Variants in SH3GL3 observed in about 807,000 individuals in gnomAD.
SH3GL3 encodes the protein SH3 domain containing GRB2 like 3, endophilin A3, also known as endophilin-A3.
SH3GL3 carries 33 observed loss-of-function variants against 47.7 expected under a neutral mutation model. The ratio of observed to expected loss-of-function variants is 0.69; its 90% CI spans 0.52 to 0.92. The LOEUF (loss-of-function observed/expected upper bound fraction) is 0.92, where lower values mean the gene tolerates loss of function less well. SH3GL3 is among the 40% of genes least tolerant of loss of function. The probability of loss-of-function intolerance (pLI) is 0.00; values close to 1 mark genes in which losing one functional copy is unlikely to be tolerated. For synonymous variants in SH3GL3, 155 were observed against 148.8 expected, an observed-to-expected ratio of 1.04 and a Z score of -0.30; for missense variants, 363 against 417.8, an observed-to-expected ratio of 0.87 and a Z score of 1.14.
intron 1 of SH3GL3, among the ~76,000 whole-genome samples, chr15:83,483,188 G>A (rs1307694111): frequency 1.3e-5 from 2 of 152,202 alleles, no homozygotes; most frequent in African/African-American, 4.8e-5. Flanking sequence ...GATATAGTCT[G>A]TTGTCAGCCC....
intron 1 of SH3GL3, among the ~76,000 whole-genome samples, chr15:83,553,238 G>A (rs749605380): frequency 1.3e-5 from 2 of 152,118 alleles, no homozygotes; most frequent in South Asian, 2.1e-4. Context: ...AAGACAGGTA[G>A]CTCTTGTCTG....
At chr15:83,628,224 TC>T in the SH3GL3 span, among the ~76,000 whole-genome samples, 1 of 152,104 alleles carries the variant, frequency 6.6e-6, no homozygotes, top group African/African-American at 2.4e-5. Context: ...AGAAAATCCC[TC>T]CTTATAGAAA....
At chr15:83,466,130 A>G (rs900812574) in intron 1 of SH3GL3, among the ~76,000 whole-genome samples, 1 of 152,166 alleles carries the variant, frequency 6.6e-6, no homozygotes, top group East Asian at 1.9e-4. Context: ...ATGGAATCAT[A>G]CAGTCTGTGA....
chr15:83,510,506 T>G (rs886870416), intron 1 of SH3GL3, among the ~76,000 whole-genome samples: 3 of 152,356 alleles, frequency 2.0e-5, no homozygotes, highest in Non-Finnish European at 4.4e-5. Flanking sequence ...AGACATTGCC[T>G]GTCAATGAAT....
chr15:83,576,550 A>C, intron 5 of SH3GL3, 33 bp from the exon 6 acceptor site: 1 of 1,554,716 alleles, frequency 6.4e-7, no homozygotes, highest in Non-Finnish European at 8.7e-7. Context: ...TGAATGTAGC[A>C]CCTCTCTGAG....
chr15:83,569,897 G>A lies in SH3GL3; in HGVS notation c.331+1225G>A, dbSNP rs1341064620. Among the ~76,000 whole-genome samples the A allele has an allele frequency of 5.9e-5, 9 of 152,244 alleles. No individual in the cohort carries two copies. In the East Asian group the frequency reaches 9.7e-4, roughly 16 times the overall value. On this transcript the variant is annotated intron_variant, in intron 4 of 8. Transcript: ENST00000427482. Reference sequence around the variant, plus strand: ...TCTCATGAGCTCTTTAAATGGTCAGGATATTTGCTCATTGGCTGTCTTGTA... The same window carrying A: ...TCTCATGAGCTCTTTAAATGGTCAGAATATTTGCTCATTGGCTGTCTTGTA...
At chr15:83,473,869 T>TA (rs1405194091) in intron 1 of SH3GL3, among the ~76,000 whole-genome samples, 7 of 150,822 alleles carry the variant, frequency 4.6e-5, no homozygotes, top group African/African-American at 1.2e-4. Flanking sequence ...TTTTTTTTTT[T>TA]ATGTCCATGC....
chr15:83,551,617 A>C (rs2044673303), intron 1 of SH3GL3, among the ~76,000 whole-genome samples: 1 of 152,172 alleles, frequency 6.6e-6, no homozygotes, highest in South Asian at 2.1e-4. Flanking sequence ...TCTGAAACTC[A>C]GATCTGTTCT....
chr15:83,457,888 G>A (rs1162352672), intron 1 of SH3GL3, among the ~76,000 whole-genome samples: 1 of 152,096 alleles, frequency 6.6e-6, no homozygotes, highest in Admixed American at 6.6e-5. Context: ...GTTCTATAAA[G>A]TAAATGTAAC....
chr15:83,537,674 T>C (rs926058643), intron 1 of SH3GL3, among the ~76,000 whole-genome samples: 7 of 152,228 alleles, frequency 4.6e-5, no homozygotes, highest in Non-Finnish European at 8.8e-5. Flanking sequence ...CTGTTCTTTT[T>C]ATTTTTACAT....
intron 8 of SH3GL3, among the ~76,000 whole-genome samples, chr15:83,590,762 G>T (rs964830022): frequency 6.6e-6 from 1 of 152,054 alleles, no homozygotes; most frequent in Non-Finnish European, 1.5e-5. Flanking sequence ...TTTCTAATTG[G>T]ATTGTTTACA....
intron 1 of SH3GL3, among the ~76,000 whole-genome samples, chr15:83,543,539 C>T (rs905855970): frequency 6.6e-6 from 1 of 152,014 alleles, no homozygotes; most frequent in African/African-American, 2.4e-5. Context: ...AGTCTTCCCT[C>T]CTCCTCTATT....
chr15:83,576,740 A>T lies in SH3GL3; in HGVS notation c.623A>T (p.Asp208Val). ...AGCATGTTTAACTTTTTAGAAAATG[A>T]TGTAAGTATTTAAACCAAATAGGAG... Reference protein sequence around the residue: ...ERSMFNFLENDVEQVSQLAVF... With the variant: ...ERSMFNFLENVVEQVSQLAVF... Residue 208 changes from aspartate to valine, a missense_variant and splice_region_variant, in exon 6 of 9, where the codon GAT (aspartate) becomes GTT (valine). Physicochemically the swap from Asp to Val is radical, Grantham distance 152. Coordinates refer to ENST00000427482, the MANE Select transcript of SH3GL3 (RefSeq NM_003027.5). 1.3e-6 allele frequency: 2 copies of T among 1,593,114 alleles called. No individual in the cohort carries two copies. The highest frequency in any genetic ancestry group is 1.7e-6 in the Non-Finnish European group (2 of 1,166,214).
Position 83,545,821 on chromosome 15 carries a change from A to T in SH3GL3, c.46-13432A>T, listed in dbSNP as rs551886320. The stretch of plus-strand genomic sequence containing the variant: ...AGTGGTCTTGGGTAAGATCTGGGAG[A>T]ATTCCTTGGATTACCAGGCAGAGTC... On this transcript the variant is annotated intron_variant, in intron 1 of 8. Transcript: ENST00000427482. 5.9e-5 allele frequency among the ~76,000 whole-genome samples: 9 copies of T among 152,154 alleles called. No individual in the cohort carries two copies. In the East Asian group the frequency reaches 1.6e-3, roughly 26 times the overall value.
chr15:83,597,226 G>C (rs1250354140), intron 8 of SH3GL3, among the ~76,000 whole-genome samples: 1 of 152,134 alleles, frequency 6.6e-6, no homozygotes, highest in Non-Finnish European at 1.5e-5. Context: ...CAGCTTCCCA[G>C]CTGGTGGCAT....
At chr15:83,483,305 C>G (rs2041451545) in intron 1 of SH3GL3, among the ~76,000 whole-genome samples, 1 of 152,162 alleles carries the variant, frequency 6.6e-6, no homozygotes, top group African/African-American at 2.4e-5. Flanking sequence ...TGCAAACTTT[C>G]TGTGCTGATG....
chr15:83,590,997 A>G (rs2060080751), intron 8 of SH3GL3, among the ~76,000 whole-genome samples: 2 of 152,074 alleles, frequency 1.3e-5, no homozygotes, highest in Non-Finnish European at 2.9e-5. Flanking sequence ...CCTAAATAAT[A>G]AATATTTTCT....
chr15:83,495,887 A>G (rs1212701112), intron 1 of SH3GL3, among the ~76,000 whole-genome samples: 3 of 151,988 alleles, frequency 2.0e-5, no homozygotes, highest in Non-Finnish European at 2.9e-5. Context: ...ACAAATTTTT[A>G]TATGTGTGTG....
chr15:83,608,077 T>C (rs150231015), intron 8 of SH3GL3, among the ~76,000 whole-genome samples: 4 of 152,238 alleles, frequency 2.6e-5, no homozygotes, highest in Non-Finnish European at 5.9e-5. Flanking sequence ...CCATCTAATA[T>C]AACCCGAGTA....
Sources: gnomAD v4.1 joint callset for allele counts (sites outside exome capture counted in the v4.1 genomes callset) on GRCh38, gnomAD v4.1.1 for gene constraint, MANE v1.5 for transcripts, NCBI Gene and HGNC (gene_info 2026-07-23, HGNC 2026-07-21) for gene names.